Variants in SORCS3 observed in about 807,000 individuals in gnomAD.
SORCS3 encodes sortilin related VPS10 domain containing receptor 3.
In SORCS3, 57 loss-of-function variants were observed where a neutral mutation model predicts 146.3. The ratio of observed to expected loss-of-function variants is 0.39; its 90% CI spans 0.31 to 0.49. The LOEUF (loss-of-function observed/expected upper bound fraction) is 0.49. Ranked by LOEUF, SORCS3 falls within the 20% of genes least tolerant of loss-of-function variation. SORCS3 has a pLI of 0.92. For missense variants in SORCS3, 1,341 were observed against 1,575.5 expected, an observed-to-expected ratio of 0.85 and a Z score of 2.52; for synonymous variants, 653 against 618.5, an observed-to-expected ratio of 1.06 and a Z score of -0.83.
In SORCS3 at chr10:105,262,208, C is replaced by A. The variant is rs548461930; in HGVS notation, c.3444-123C>A. ...TCATTGTCTCTGGGGTTACCAATAT[C>A]TTTCCCTGACATGGACCCTTCCTAT... On this transcript the variant is annotated intron_variant, in intron 25 of 26. Transcript: ENST00000369701. The A allele has an allele frequency of 4.6e-6, 4 of 876,272 alleles. No homozygotes were observed. The East Asian group carries it at 9.8e-5, about 21-fold the overall frequency. 54.3% of individuals were successfully genotyped at this position (876,272 alleles called of 1,614,324 possible). A position where few individuals can be genotyped will look rare whatever the true frequency, so the allele number is the denominator to read the frequency against.
chr10:104,871,683 A>G (rs1314595074), intron 2 of SORCS3, among the ~76,000 whole-genome samples: 1 of 152,096 alleles, frequency 6.6e-6, no homozygotes, highest in Non-Finnish European at 1.5e-5. Context: ...ATCCATTTTT[A>G]TTTGAGCCAC....
intron 1 of SORCS3, among the ~76,000 whole-genome samples, chr10:104,737,474 A>G (rs1452610660): frequency 6.6e-6 from 1 of 152,136 alleles, no homozygotes. Context: ...GGCCATTCTA[A>G]CTGGTGTGAG....
At chr10:104,832,369 G>C (rs2018010275) in intron 1 of SORCS3, among the ~76,000 whole-genome samples, 2 of 152,298 alleles carry the variant, frequency 1.3e-5, no homozygotes, top group South Asian at 4.1e-4. Flanking sequence ...TGTTTGTTCA[G>C]TGGTAGCATG....
intron 22 of SORCS3, among the ~76,000 whole-genome samples, chr10:105,249,966 T>C (rs557282668): frequency 6.6e-6 from 1 of 152,296 alleles, no homozygotes; most frequent in Admixed American, 6.5e-5. Context: ...TTTGGGCTGC[T>C]ATAACAAGGT....
chr10:104,761,578 A>G (rs890884280), intron 1 of SORCS3, among the ~76,000 whole-genome samples: 1 of 152,174 alleles, frequency 6.6e-6, no homozygotes, highest in Non-Finnish European at 1.5e-5. Flanking sequence ...CAGTAAGCTG[A>G]GATCCCTCTG....
intron 4 of SORCS3, among the ~76,000 whole-genome samples, chr10:105,012,382 T>C (rs988540485): frequency 6.6e-6 from 1 of 152,182 alleles, no homozygotes; most frequent in East Asian, 1.9e-4. Flanking sequence ...TTGGATTCTT[T>C]TGACATTGGA....
At chr10:104,950,471 A>G (rs1029790964) in intron 3 of SORCS3, among the ~76,000 whole-genome samples, 6 of 152,238 alleles carry the variant, frequency 3.9e-5, no homozygotes, top group Non-Finnish European at 8.8e-5. Flanking sequence ...TAAAGGAAGC[A>G]TTGCGTGTAA....
intron 20 of SORCS3, among the ~76,000 whole-genome samples, chr10:105,240,885 G>A (rs1452991511): frequency 6.6e-6 from 1 of 151,296 alleles, no homozygotes. Context: ...AGATTTGCTG[G>A]TTTGGAGATT....
intron 4 of SORCS3, among the ~76,000 whole-genome samples, chr10:105,032,062 G>C (rs1358001833): frequency 6.6e-6 from 1 of 152,122 alleles, no homozygotes; most frequent in Non-Finnish European, 1.5e-5. Context: ...TGTGGTAGCA[G>C]GCTTCTGTAA....
chr10:104,927,724 C>A (rs2019162789), intron 3 of SORCS3, among the ~76,000 whole-genome samples: 1 of 151,594 alleles, frequency 6.6e-6, no homozygotes, highest in African/African-American at 2.4e-5. Flanking sequence ...ACTAAAAGTA[C>A]AAAATTAGCC....
rs17117829 is a variant in SORCS3 at position 104,873,314 on chromosome 10, G to C, written c.695+30455G>C. On this transcript the variant is annotated intron_variant, in intron 2 of 26. Transcript: ENST00000369701. ...CTTACTGGCTGACCAGATCATCCTT[G>C]CTGGAAATCCATTCATTCCTAAATG... 6.4e-3 allele frequency among the ~76,000 whole-genome samples: 970 copies of C among 152,276 alleles called. 11 individuals are homozygous for C. The highest frequency in any genetic ancestry group is 0.023 in the African/African-American group (946 of 41,544).
intron 20 of SORCS3, among the ~76,000 whole-genome samples, chr10:105,242,548 AT>A (rs2056835707): frequency 1.2e-5 from 1 of 85,568 alleles, no homozygotes; most frequent in Non-Finnish European, 2.0e-5. Flanking sequence ...ATATTTATAT[AT>A]TTATATACAT....
chr10:105,153,620 GGA>G (rs71022756), intron 9 of SORCS3, among the ~76,000 whole-genome samples: 3 of 139,324 alleles, frequency 2.2e-5, no homozygotes, highest in South Asian at 2.3e-4. Flanking sequence ...CAGAGAGAGA[GGA>G]GAGAGAGAGA....
At chr10:105,071,511 G>A (rs1199827472) in intron 5 of SORCS3, among the ~76,000 whole-genome samples, 2 of 152,110 alleles carry the variant, frequency 1.3e-5, no homozygotes, top group Non-Finnish European at 2.9e-5. Context: ...CAAAGCTCTC[G>A]TTTGTTAAAT....
intron 7 of SORCS3, among the ~76,000 whole-genome samples, chr10:105,112,764 G>A (rs926984892): frequency 2.6e-5 from 4 of 152,162 alleles, no homozygotes; most frequent in South Asian, 2.1e-4. Flanking sequence ...AAGGGGATCC[G>A]TGTAGAGGCA....
intron 1 of SORCS3, among the ~76,000 whole-genome samples, chr10:104,733,325 A>G (rs975627840): frequency 6.6e-6 from 1 of 152,004 alleles, no homozygotes; most frequent in Non-Finnish European, 1.5e-5. Context: ...TCATTTGTGC[A>G]TTCACTCTTT....
intron 4 of SORCS3, among the ~76,000 whole-genome samples, chr10:105,042,390 T>C (rs964037969): frequency 1.3e-5 from 2 of 152,144 alleles, no homozygotes; most frequent in African/African-American, 4.8e-5. Flanking sequence ...ATTATTATCG[T>C]TATTATTATT....
At chr10:104,955,014 ATAAC>A (rs768286446) in intron 3 of SORCS3, among the ~76,000 whole-genome samples, 12 of 152,336 alleles carry the variant, frequency 7.9e-5, no homozygotes, top group Non-Finnish European at 1.3e-4. Flanking sequence ...TATTAACTAA[ATAAC>A]TAAATAATTA....
At chr10:104,916,764 G>A (rs1219508232) in intron 3 of SORCS3, among the ~76,000 whole-genome samples, 1 of 151,784 alleles carries the variant, frequency 6.6e-6, no homozygotes, top group Non-Finnish European at 1.5e-5. Context: ...TTTCTAAAAG[G>A]CTAAAAAAAA....
Sources: gnomAD v4.1 joint callset for allele counts (sites outside exome capture counted in the v4.1 genomes callset) on GRCh38, gnomAD v4.1.1 for gene constraint, MANE v1.5 for transcripts, NCBI Gene and HGNC (gene_info 2026-07-23, HGNC 2026-07-21) for gene names.